ZNF469: variants seen among roughly 807,000 people sequenced by gnomAD.
The protein encoded by ZNF469 is zinc finger protein 469.
Under a neutral mutation model 1.0 loss-of-function variants are expected in ZNF469, and 1 was observed. The ratio of observed to expected loss-of-function variants is 1.00; its 90% CI spans 0.35 to 4.73. The LOEUF (loss-of-function observed/expected upper bound fraction) is 4.73, where lower values mean the gene tolerates loss of function less well. ZNF469 is among the 30% of genes most tolerant of loss of function. The pLI, the probability that ZNF469 is intolerant of heterozygous loss-of-function variation, is 0.16. For synonymous variants in ZNF469, 2,703 were observed against 2,363.4 expected (o/e 1.14, Z -4.17); for missense variants, 6,100 against 5,356.3 (o/e 1.14, Z -4.33).
chr16:88,264,806 GC>G, the ZNF469 span, among the ~76,000 whole-genome samples: 39,869 of 151,534 alleles, frequency 0.26, 5,422 homozygotes, highest in East Asian at 0.44. Flanking sequence ...TGGCCACACG[GC>G]CCCCCGCCTC....
chr16:88,245,295 G>A, the ZNF469 span, among the ~76,000 whole-genome samples: 3 of 152,228 alleles, frequency 2.0e-5, no homozygotes, highest in South Asian at 6.2e-4. Flanking sequence ...ATTAAGTAGA[G>A]GAGGAGGCTG....
At chr16:88,402,402 T>C (rs1190815900) in intron 1 of ZNF469, among the ~76,000 whole-genome samples, 4 of 152,158 alleles carry the variant, frequency 2.6e-5, no homozygotes, top group Non-Finnish European at 5.9e-5. Flanking sequence ...GGTAGCACCA[T>C]GGCTGGACCA....
At chr16:88,308,206 GTTTA>G in the ZNF469 span, among the ~76,000 whole-genome samples, 53 of 152,314 alleles carry the variant, frequency 3.5e-4, no homozygotes, top group African/African-American at 1.2e-3. Context: ...GCGTATCTGT[GTTTA>G]TGCCAGCTCT....
the ZNF469 span, among the ~76,000 whole-genome samples, chr16:88,236,809 G>A: frequency 7.8e-3 from 1,187 of 151,834 alleles, 14 homozygotes; most frequent in African/African-American, 0.027. Flanking sequence ...GGAGGTTGCT[G>A]TGAGCCGAGC....
the ZNF469 span, among the ~76,000 whole-genome samples, chr16:88,101,995 G>T: frequency 6.6e-6 from 1 of 152,086 alleles, no homozygotes; most frequent in Non-Finnish European, 1.5e-5. Context: ...CTTAAGCGAC[G>T]GAACAGGGAA....
the ZNF469 span, among the ~76,000 whole-genome samples, chr16:88,133,172 G>A: frequency 1.7e-4 from 26 of 152,370 alleles, no homozygotes; most frequent in Admixed American, 3.3e-4. Context: ...CACCTCACTC[G>A]GGAAGGCGGG....
At chr16:88,274,260 C>T in the ZNF469 span, among the ~76,000 whole-genome samples, 2 of 152,188 alleles carry the variant, frequency 1.3e-5, no homozygotes, top group South Asian at 4.2e-4. Flanking sequence ...ATTCACAGGG[C>T]TGGGAAGTTA....
chr16:88,418,523 G>A (rs1905363946), intron 1 of ZNF469, among the ~76,000 whole-genome samples: 2 of 152,054 alleles, frequency 1.3e-5, no homozygotes, highest in East Asian at 3.9e-4. Context: ...GCAGGGCTCC[G>A]TCTTTAAGCA....
the ZNF469 span, among the ~76,000 whole-genome samples, chr16:88,339,626 G>A: frequency 4.3e-5 from 2 of 46,596 alleles, 1 homozygote; most frequent in Admixed American, 3.5e-4. Context: ...GGGGGACATG[G>A]TGGCAGGAGG....
chr16:88,296,256 A>G, the ZNF469 span, among the ~76,000 whole-genome samples: 3 of 152,210 alleles, frequency 2.0e-5, no homozygotes, highest in Non-Finnish European at 2.9e-5. Flanking sequence ...ACATCCTCAT[A>G]GGATCCCAGC....
At chr16:88,382,082 G>C (rs570893300), upstream of ZNF469, among the ~76,000 whole-genome samples, 22 of 152,360 alleles carry the variant, frequency 1.4e-4, no homozygotes, top group African/African-American at 5.3e-4. Flanking sequence ...TTTCTTAGAA[G>C]TCCACCAAGT....
chr16:88,210,053 A>T, the ZNF469 span, among the ~76,000 whole-genome samples: 1 of 152,226 alleles, frequency 6.6e-6, no homozygotes, highest in Non-Finnish European at 1.5e-5. Context: ...TCATGGGAAC[A>T]TGTTCTCAGT....
the ZNF469 span, among the ~76,000 whole-genome samples, chr16:88,167,586 G>C: frequency 6.6e-6 from 1 of 152,276 alleles, no homozygotes; most frequent in East Asian, 1.9e-4. Context: ...TCCTGCCCTG[G>C]CCCTGGTTAG....
the ZNF469 span, among the ~76,000 whole-genome samples, chr16:88,220,567 C>G: frequency 1.3e-4 from 20 of 152,178 alleles, no homozygotes; most frequent in Admixed American, 1.1e-3. Flanking sequence ...GCCCCTGGAG[C>G]AAACTGATTC....
the ZNF469 span, among the ~76,000 whole-genome samples, chr16:88,327,554 G>T: frequency 1.0e-3 from 148 of 146,056 alleles, 2 homozygotes; most frequent in East Asian, 0.026. Context: ...CGTTGGGGTT[G>T]GGGGGGGGTC....
At chr16:88,313,829 G>T in the ZNF469 span, among the ~76,000 whole-genome samples, 1 of 152,048 alleles carries the variant, frequency 6.6e-6, no homozygotes, top group East Asian at 1.9e-4. Flanking sequence ...AGGCAGTGCT[G>T]GTGTGGGCTG....
chr16:88,300,701 TG>T, the ZNF469 span, among the ~76,000 whole-genome samples: 1 of 152,064 alleles, frequency 6.6e-6, no homozygotes. Flanking sequence ...ACCCAGCCCC[TG>T]GGGAGCTCCA....
chr16:88,273,246 T>C, the ZNF469 span, among the ~76,000 whole-genome samples: 1 of 78,592 alleles, frequency 1.3e-5, no homozygotes, highest in African/African-American at 5.1e-5. Flanking sequence ...TGTGTGGTGT[T>C]ATGCTAGAAA....
At chr16:88,210,620 A>C in the ZNF469 span, among the ~76,000 whole-genome samples, 1 of 152,192 alleles carries the variant, frequency 6.6e-6, no homozygotes, top group Non-Finnish European at 1.5e-5. Context: ...TGAGATATGA[A>C]TCTAATTCCA....
Sources: gnomAD v4.1 joint callset for allele counts (sites outside exome capture counted in the v4.1 genomes callset) on GRCh38, gnomAD v4.1.1 for gene constraint, MANE v1.5 for transcripts, NCBI Gene and HGNC (gene_info 2026-07-23, HGNC 2026-07-21) for gene names.